SNTB1: variants seen among roughly 807,000 people sequenced by gnomAD.
SNTB1 encodes beta-1-syntrophin.
Under a neutral mutation model 48.9 loss-of-function variants are expected in SNTB1, and 36 were observed. The ratio of observed to expected loss-of-function variants is 0.74; its 90% CI spans 0.56 to 0.97. The LOEUF is 0.97. SNTB1 is among the 50% of genes least tolerant of loss of function. The probability of loss-of-function intolerance (pLI) is 0.00; values close to 1 mark genes in which losing one functional copy is unlikely to be tolerated. For missense variants in SNTB1, 786 were observed against 703.4 expected (o/e 1.12, Z -1.33); for synonymous variants, 299 against 294.6 (o/e 1.01, Z -0.15).
chr8:120,541,731 A>G, intron 6 of SNTB1, 79 bp downstream of exon 6: 1 of 1,068,076 alleles, frequency 9.4e-7, no homozygotes, highest in Non-Finnish European at 1.3e-6. Context: ...CAAATGCCGA[A>G]TAAGAGTAAG....
rs10106010 is a variant in SNTB1, at chr8:120,566,219, C to T, written c.1136+8867G>A. Among the ~76,000 whole-genome samples the T allele has an allele frequency of 4.7e-3, 707 of 149,570 alleles. 5 individuals carry two copies. The highest frequency in any genetic ancestry group is 0.017 in the African/African-American group (680 of 40,850). ...TCATGGGTGCCTGTAGTCCTAGCTA[C>T]TTGGGAGGCTAAGGCAGGAGAATCA... is the stretch of plus-strand genomic sequence containing the variant. On this transcript the variant is annotated intron_variant, in intron 4 of 6. Transcript: ENST00000517992.
intron 5 of SNTB1, among the ~76,000 whole-genome samples, chr8:120,545,309 A>G (rs1476372333): frequency 6.6e-6 from 1 of 152,148 alleles, no homozygotes; most frequent in East Asian, 1.9e-4. Context: ...ATGCCATTGC[A>G]CTCCAGCCTG....
intron 2 of SNTB1, among the ~76,000 whole-genome samples, chr8:120,691,975 C>A (rs1818136061): frequency 6.6e-6 from 1 of 152,030 alleles, no homozygotes; most frequent in Admixed American, 6.5e-5. Context: ...GACTGCAGGC[C>A]CAGGAACTCT....
chr8:120,720,458 T>C (rs1818639408), intron 1 of SNTB1, among the ~76,000 whole-genome samples: 1 of 152,218 alleles, frequency 6.6e-6, no homozygotes, highest in Admixed American at 6.5e-5. Flanking sequence ...CCATCTCCTG[T>C]TTTCATCTGC....
intron 1 of SNTB1, among the ~76,000 whole-genome samples, chr8:120,712,730 G>C (rs1267817594): frequency 2.0e-5 from 3 of 152,120 alleles, no homozygotes. Context: ...CTCATTCAGT[G>C]ATAGTTCATA....
chr8:120,548,382 T>C (rs773138808), intron 5 of SNTB1, among the ~76,000 whole-genome samples: 1 of 152,202 alleles, frequency 6.6e-6, no homozygotes, highest in Non-Finnish European at 1.5e-5. Flanking sequence ...AACTGCCTAA[T>C]ATATTTCCAA....
intron 1 of SNTB1, among the ~76,000 whole-genome samples, chr8:120,721,251 C>A (rs1173452938): frequency 3.3e-5 from 5 of 152,128 alleles, no homozygotes; most frequent in African/African-American, 1.2e-4. Context: ...AAAAGTGGCA[C>A]CCATGCATTT....
chr8:120,610,792 A>C (rs558460256), intron 3 of SNTB1, among the ~76,000 whole-genome samples: 9 of 152,238 alleles, frequency 5.9e-5, no homozygotes, highest in East Asian at 3.9e-4. Flanking sequence ...CTCTCTGTTA[A>C]GAGACTGCTT....
At chr8:120,615,293 C>T (rs1256215299) in intron 3 of SNTB1, among the ~76,000 whole-genome samples, 4 of 152,150 alleles carry the variant, frequency 2.6e-5, no homozygotes, top group African/African-American at 9.7e-5. Context: ...TCATTAGCTG[C>T]CCATTAGTAT....
chr8:120,617,831 G>T (rs2130738163), intron 3 of SNTB1, among the ~76,000 whole-genome samples: 1 of 152,286 alleles, frequency 6.6e-6, no homozygotes, highest in East Asian at 1.9e-4. Context: ...TGGACTAAGG[G>T]GGATGCCCAT....
intron 2 of SNTB1, among the ~76,000 whole-genome samples, chr8:120,687,617 C>T (rs1818055472): frequency 6.6e-6 from 1 of 152,222 alleles, no homozygotes; most frequent in Non-Finnish European, 1.5e-5. Context: ...AAATCACTTT[C>T]ATGACAATTT....
chr8:120,744,153 T>C (rs1481007681), intron 1 of SNTB1, among the ~76,000 whole-genome samples: 1 of 149,474 alleles, frequency 6.7e-6, no homozygotes, highest in Non-Finnish European at 1.5e-5. Context: ...GAATCCCTCA[T>C]ACAAGAAGGT....
intron 3 of SNTB1, among the ~76,000 whole-genome samples, chr8:120,595,095 G>A (rs1005888980): frequency 6.6e-6 from 1 of 152,058 alleles, no homozygotes; most frequent in African/African-American, 2.4e-5. Flanking sequence ...AGGCTTGACT[G>A]CACAGGTTCC....
chr8:120,674,215 T>C (rs1160241300), intron 2 of SNTB1, among the ~76,000 whole-genome samples: 1 of 152,226 alleles, frequency 6.6e-6, no homozygotes, highest in Non-Finnish European at 1.5e-5. Flanking sequence ...GAATGCTGAA[T>C]GGGAAAACTG....
intron 3 of SNTB1, among the ~76,000 whole-genome samples, chr8:120,589,013 C>G (rs1308669576): frequency 6.6e-6 from 1 of 152,186 alleles, no homozygotes; most frequent in African/African-American, 2.4e-5. Context: ...AGTGACCAGT[C>G]TCCTTGGATT....
chr8:120,587,310 A>G (rs1816164417), intron 3 of SNTB1, among the ~76,000 whole-genome samples: 3 of 152,250 alleles, frequency 2.0e-5, no homozygotes, highest in Admixed American at 2.0e-4. Flanking sequence ...GGAAATTTGT[A>G]TGTGGCAGCT....
At chr8:120,697,438 A>T (rs1818230924) in intron 1 of SNTB1, among the ~76,000 whole-genome samples, 1 of 152,208 alleles carries the variant, frequency 6.6e-6, no homozygotes, top group South Asian at 2.1e-4. Context: ...TCCATGAGGT[A>T]TAATAAGAAA....
At chr8:120,681,984 A>G (rs575106324) in intron 2 of SNTB1, among the ~76,000 whole-genome samples, 46 of 152,336 alleles carry the variant, frequency 3.0e-4, no homozygotes, top group African/African-American at 1.1e-3. Context: ...AATTAACGGA[A>G]AATATGACAT....
intron 2 of SNTB1, among the ~76,000 whole-genome samples, chr8:120,669,917 CGACAA>C (rs1817731988): frequency 1.3e-5 from 2 of 152,178 alleles, no homozygotes; most frequent in African/African-American, 4.8e-5. Flanking sequence ...AGCTAGAAAA[CGACAA>C]GACATCATTC....
Sources: allele counts gnomAD v4.1 joint callset (sites outside exome capture counted in the v4.1 genomes callset), GRCh38; gene constraint gnomAD v4.1.1; transcripts MANE v1.5; gene names NCBI Gene and HGNC (gene_info 2026-07-23, HGNC 2026-07-21).